Variants in PHLPP2 observed in about 807,000 individuals in gnomAD.
PHLPP2 encodes PH domain leucine-rich repeat-containing protein phosphatase 2.
In PHLPP2, 66 loss-of-function variants were observed where a neutral mutation model predicts 124.9. The ratio of observed to expected loss-of-function variants is 0.53; its 90% CI spans 0.43 to 0.65. The LOEUF (loss-of-function observed/expected upper bound fraction) is 0.65, where lower values mean the gene tolerates loss of function less well. PHLPP2 is among the 30% of genes least tolerant of loss of function. PHLPP2 has a pLI of 0.00. For synonymous variants in PHLPP2, 681 were observed against 624.7 expected (o/e 1.09, Z -1.34); for missense variants, 1,685 against 1,600.4 (o/e 1.05, Z -0.90).
chr16:71,680,950 A>C (rs1567619958), intron 6 of PHLPP2, among the ~76,000 whole-genome samples: 1 of 152,212 alleles, frequency 6.6e-6, no homozygotes, highest in Non-Finnish European at 1.5e-5. Flanking sequence ...ACAGAGGCTT[A>C]TACTTGAAAC....
At chr16:71,689,069 G>A (rs1445874769) in intron 4 of PHLPP2, among the ~76,000 whole-genome samples, 2 of 152,134 alleles carry the variant, frequency 1.3e-5, no homozygotes, top group African/African-American at 4.8e-5. Context: ...ATTATGAGCA[G>A]AAAACTATTA....
intron 3 of PHLPP2, among the ~76,000 whole-genome samples, chr16:71,694,455 C>T (rs887547339): frequency 2.6e-5 from 4 of 151,554 alleles, no homozygotes; most frequent in Non-Finnish European, 4.4e-5. Context: ...AGCAAGACTC[C>T]GTCTCAAAAA....
At chr16:71,679,337 G>A in intron 7 of PHLPP2, 52 bp downstream of exon 7, 1 of 1,513,224 alleles carries the variant, frequency 6.6e-7, no homozygotes, top group Non-Finnish European at 9.2e-7. Flanking sequence ...CAAACCCCAG[G>A]CAAGTTCCTT....
chr16:71,717,205 A>G (rs1597020746), intron 1 of PHLPP2, among the ~76,000 whole-genome samples: 1 of 152,252 alleles, frequency 6.6e-6, no homozygotes, highest in East Asian at 1.9e-4. Flanking sequence ...AAATACCTAT[A>G]AATACAGCAA....
intron 4 of PHLPP2, among the ~76,000 whole-genome samples, chr16:71,686,729 C>T (rs1488293499): frequency 6.6e-6 from 1 of 150,792 alleles, no homozygotes; most frequent in Non-Finnish European, 1.5e-5. Flanking sequence ...CAGAATTATG[C>T]TGTTAAGATT....
intron 8 of PHLPP2, chr16:71,678,390 C>A (rs2044966683): frequency 1.0e-5 from 2 of 200,934 alleles, no homozygotes; most frequent in East Asian, 1.3e-4. Context: ...GTAATCCCAG[C>A]ACTTTGGGAG....
chr16:71,702,589 A>G lies in PHLPP2; in HGVS notation c.418+9T>C, dbSNP rs1240637952. 28 of 1,606,568 alleles carry G rather than the reference A, an allele frequency of 1.7e-5. No individual in the cohort carries two copies. The highest frequency in any genetic ancestry group is 2.0e-5 in the Non-Finnish European group (24 of 1,176,360). ...TAGTTAACATACAAAGCCACTGATAAATTCTTACCACCATAAAATCGAATC... is the reference window on the plus strand; with the variant it reads ...TAGTTAACATACAAAGCCACTGATAGATTCTTACCACCATAAAATCGAATC... On this transcript the variant is annotated intron_variant, in intron 3 of 18. Transcript: ENST00000568954.
At chr16:71,650,758 C>A (rs1168533368) in intron 18 of PHLPP2, among the ~76,000 whole-genome samples, 2 of 152,188 alleles carry the variant, frequency 1.3e-5, no homozygotes, top group Non-Finnish European at 2.9e-5. Context: ...AAATTAATAT[C>A]ACAGTTGCAA....
rs1420589683 is a variant in PHLPP2, at chr16:71,646,587, A to G, written c.*2303T>C. The G allele has an allele frequency of 6.6e-6, 1 of 152,228 alleles. No individual in the cohort carries two copies. Among genetic ancestry groups the G allele is most frequent in the Non-Finnish European group, 1.5e-5 (1 of 68,032 alleles). The allele number at this position is 152,228 out of a possible 1,614,324, so 9.4% of individuals were successfully genotyped here. On this transcript the variant is annotated 3_prime_UTR_variant, in exon 19 of 19. Coordinates refer to ENST00000568954, the MANE Select transcript of PHLPP2 (RefSeq NM_015020.3). ...ACTATTAAAGTGGTGTATTCCCAAA[A>G]TAACTTTAATTTTTAGACATCACTA...
rs2044902992 is a variant in PHLPP2, at chr16:71,672,394, A to T, written c.1472-72T>A. 9 of 1,071,522 alleles carry T rather than the reference A, an allele frequency of 8.4e-6. No individual in the cohort carries two copies. In the Admixed American group the frequency reaches 1.6e-4, roughly 19 times the overall value. The allele number at this position is 1,071,522 out of a possible 1,614,324, so 66.4% of individuals were successfully genotyped here. A position where few individuals can be genotyped will look rare whatever the true frequency, so the allele number is the denominator to read the frequency against. ...AGTAACTGAGAGCTGACAATGGAAA[A>T]GTAGCTTAGTGAAATCACCAGAGAG... is the stretch of plus-strand genomic sequence containing the variant. On this transcript the variant is annotated intron_variant, in intron 9 of 18. Transcript: ENST00000568954.
chr16:71,712,397 G>A (rs560482591), intron 2 of PHLPP2, among the ~76,000 whole-genome samples: 3 of 152,076 alleles, frequency 2.0e-5, no homozygotes, highest in African/African-American at 4.8e-5. Flanking sequence ...TATCACATTC[G>A]GATTCTTAAC....
chr16:71,681,265 T>G (rs1204669516), intron 6 of PHLPP2, among the ~76,000 whole-genome samples: 1 of 152,056 alleles, frequency 6.6e-6, no homozygotes, highest in Admixed American at 6.6e-5. Context: ...GAATAACAAG[T>G]AGGTCATAGT....
At chr16:71,716,014 T>C (rs942988566) in intron 1 of PHLPP2, among the ~76,000 whole-genome samples, 8 of 151,518 alleles carry the variant, frequency 5.3e-5, no homozygotes, top group Non-Finnish European at 1.2e-4. Flanking sequence ...AAAACTTTAA[T>C]CTATAAACCA....
intron 5 of PHLPP2, 89 bp from the exon 6 acceptor site, chr16:71,681,994 C>A: frequency 2.9e-5 from 25 of 871,968 alleles, no homozygotes; most frequent in South Asian, 1.6e-4. Context: ...CACAAAAAGA[C>A]GCTAATTAAA....
rs1379172950 is a variant in PHLPP2 at position 71,648,706 on chromosome 16, G to A, written c.*184C>T. ...AGAATGGCTTGAACCCAGGGACAGA[G>A]GCTGCAGTGACCCGAGACCCCACCA... On this transcript the variant is annotated 3_prime_UTR_variant, in exon 19 of 19. Coordinates refer to ENST00000568954, the MANE Select transcript of PHLPP2 (RefSeq NM_015020.3). The A allele has an allele frequency of 1.7e-6, 1 of 589,392 alleles. No homozygotes were observed. The highest frequency in any genetic ancestry group is 2.8e-5 in the East Asian group (1 of 36,230). The allele number at this position is 589,392 out of a possible 1,614,324, so 36.5% of individuals were successfully genotyped here.
intron 2 of PHLPP2, 68 bp from the exon 3 acceptor site, chr16:71,702,799 G>T (rs1597013844): frequency 5.5e-6 from 5 of 913,632 alleles, no homozygotes; most frequent in South Asian, 1.9e-5. Flanking sequence ...TAATTTTTTA[G>T]TATTTTTATT....
At chr16:71,723,780 G>T in intron 1 of PHLPP2, 2 of 1,336,114 alleles carry the variant, frequency 1.5e-6, no homozygotes, top group Non-Finnish European at 1.9e-6. Context: ...TTCAGGACCC[G>T]GATCCCTCCC....
At chr16:71,671,830 C>T (rs745890108) in intron 10 of PHLPP2, among the ~76,000 whole-genome samples, 6 of 152,002 alleles carry the variant, frequency 3.9e-5, no homozygotes, top group African/African-American at 9.7e-5. Context: ...AGGAGAATGA[C>T]GTGAACCCGG....
rs1262419143 is a variant in PHLPP2 at position 71,669,348 on chromosome 16, C to G, written c.1555G>C (p.Asp519His). The change falls in exon 11 of 19, where the codon GAC (aspartate) becomes CAC (histidine). Residue 519 changes from aspartate to histidine, a missense_variant. Physicochemically the swap from Asp to His is moderately conservative, Grantham distance 81. Transcript: ENST00000568954. ...ATCTTCTTTGCTTCACAGGCCCAGTCAGGGACACACTCTAGCAGGTTTCTG... is the reference window on the plus strand; with the variant it reads ...ATCTTCTTTGCTTCACAGGCCCAGTGAGGGACACACTCTAGCAGGTTTCTG... ...LSRNLLECVP[D>H]WACEAKKIEV... The G allele has an allele frequency of 1.2e-6, 2 of 1,611,622 alleles. No individual in the cohort carries two copies. Among genetic ancestry groups the G allele is most frequent in the Non-Finnish European group, 1.7e-6 (2 of 1,179,152 alleles).
Sources: allele counts gnomAD v4.1 joint callset (sites outside exome capture counted in the v4.1 genomes callset), GRCh38; gene constraint gnomAD v4.1.1; transcripts MANE v1.5; gene names NCBI Gene and HGNC (gene_info 2026-07-23, HGNC 2026-07-21).